Variants in DOCK3 observed in about 807,000 individuals in gnomAD.
DOCK3 encodes the protein dedicator of cytokinesis 3.
In DOCK3, 60 loss-of-function variants were observed where a neutral mutation model predicts 265.6. The ratio of observed to expected loss-of-function variants is 0.23; its 90% CI spans 0.18 to 0.28. DOCK3 has a LOEUF of 0.28. Among genes scored for constraint, DOCK3 ranks in the 10% least tolerant of loss-of-function variants. DOCK3 has a pLI of 1.00. For synonymous variants in DOCK3, 881 were observed against 938.0 expected (o/e 0.94, Z 1.11); for missense variants, 1,981 against 2,594.3 (o/e 0.76, Z 5.14).
chr3:50,948,526 C>T (rs529810104), intron 5 of DOCK3, among the ~76,000 whole-genome samples: 2 of 150,962 alleles, frequency 1.3e-5, no homozygotes, highest in Non-Finnish European at 2.9e-5. Flanking sequence ...ATTTCAGCCT[C>T]TTGAGTAGCT....
At chr3:50,777,847 A>G (rs1426265777) in intron 1 of DOCK3, among the ~76,000 whole-genome samples, 1 of 152,096 alleles carries the variant, frequency 6.6e-6, no homozygotes, top group African/African-American at 2.4e-5. Flanking sequence ...ATATGATTAT[A>G]TCATTGATGA....
At position 51,196,197 on chromosome 3, in the gene DOCK3, A is replaced by G. The variant is rs75978248; in HGVS notation, c.1038-12577A>G. Among the ~76,000 whole-genome samples the G allele has an allele frequency of 4.5e-3, 683 of 152,054 alleles. 29 individuals carry two copies. In the East Asian group the frequency reaches 0.11, roughly 24 times the overall value. Reference sequence around the variant, plus strand: ...GTAGGCCTCCTGCCTCAGCCTCCCAAAGTGCTGTGATTACAGGCATGAGCC... The same window carrying G: ...GTAGGCCTCCTGCCTCAGCCTCCCAGAGTGCTGTGATTACAGGCATGAGCC... On this transcript the variant is annotated intron_variant, in intron 12 of 52. Coordinates refer to ENST00000266037, the MANE Select transcript of DOCK3 (RefSeq NM_004947.5).
chr3:51,298,735 C>CA (rs201552477), intron 27 of DOCK3, among the ~76,000 whole-genome samples: 1,761 of 152,276 alleles, frequency 0.012, 39 homozygotes, highest in African/African-American at 0.039. Flanking sequence ...CTGCAAAGGA[C>CA]ATGATTTCAT....
At chr3:50,810,933 G>A (rs545678132) in intron 2 of DOCK3, among the ~76,000 whole-genome samples, 2 of 152,138 alleles carry the variant, frequency 1.3e-5, no homozygotes, top group Admixed American at 6.5e-5. Flanking sequence ...TCATTGTACT[G>A]TATGTTCATG....
chr3:51,243,457 G>A (rs1262066924), intron 21 of DOCK3, among the ~76,000 whole-genome samples: 1 of 151,988 alleles, frequency 6.6e-6, no homozygotes, highest in Non-Finnish European at 1.5e-5. Flanking sequence ...CCACCCTAAT[G>A]GGTGTAAAGT....
At chr3:51,094,520 T>C (rs2082753127) in intron 9 of DOCK3, among the ~76,000 whole-genome samples, 1 of 152,160 alleles carries the variant, frequency 6.6e-6, no homozygotes, top group African/African-American at 2.4e-5. Flanking sequence ...GATATCCCCT[T>C]TATCATTTTT....
intron 27 of DOCK3, among the ~76,000 whole-genome samples, chr3:51,306,029 T>C (rs2082672110): frequency 6.6e-6 from 1 of 150,658 alleles, no homozygotes; most frequent in African/African-American, 2.4e-5. Flanking sequence ...TTTTCTTTTT[T>C]TTTTTAAATT....
intron 43 of DOCK3, 24 bp downstream of exon 43, chr3:51,356,517 T>C (rs374141491): frequency 1.2e-6 from 2 of 1,607,170 alleles, no homozygotes; most frequent in African/African-American, 1.3e-5. Flanking sequence ...CAGATGAAGC[T>C]GAGCTTCACA....
At chr3:51,239,132 A>G (rs924078952) in intron 21 of DOCK3, among the ~76,000 whole-genome samples, 29 of 152,124 alleles carry the variant, frequency 1.9e-4, no homozygotes, top group African/African-American at 6.3e-4. Flanking sequence ...TTATTTTTTG[A>G]CATTTTAATC....
At chr3:51,143,275 T>A (rs1187666146) in intron 9 of DOCK3, among the ~76,000 whole-genome samples, 1 of 61,282 alleles carries the variant, frequency 1.6e-5, no homozygotes, top group South Asian at 5.7e-4. Context: ...TTTTTTTATG[T>A]GTGTGTGTGT....
At chr3:50,985,021 C>G (rs182106466) in intron 5 of DOCK3, among the ~76,000 whole-genome samples, 1 of 152,074 alleles carries the variant, frequency 6.6e-6, no homozygotes, top group East Asian at 1.9e-4. Flanking sequence ...CCATGGATAC[C>G]GAGGGATGAC....
At chr3:50,836,249 T>C (rs1357378881) in intron 2 of DOCK3, among the ~76,000 whole-genome samples, 11 of 152,218 alleles carry the variant, frequency 7.2e-5, no homozygotes, top group African/African-American at 2.7e-4. Context: ...ACCCAACCTT[T>C]CCCTTCTGCA....
At chr3:51,122,642 A>T (rs1432501526) in intron 9 of DOCK3, among the ~76,000 whole-genome samples, 3 of 152,240 alleles carry the variant, frequency 2.0e-5, no homozygotes, top group African/African-American at 7.2e-5. Context: ...CCCTATGGAT[A>T]GCTTAAGAGG....
chr3:51,269,852 A>G (rs2080404645), intron 23 of DOCK3, among the ~76,000 whole-genome samples: 1 of 152,156 alleles, frequency 6.6e-6, no homozygotes, highest in Non-Finnish European at 1.5e-5. Flanking sequence ...TTTCCCTCAT[A>G]CCAGTATCAA....
intron 32 of DOCK3, among the ~76,000 whole-genome samples, chr3:51,316,791 T>C (rs1416220104): frequency 6.6e-6 from 1 of 152,232 alleles, no homozygotes; most frequent in Admixed American, 6.5e-5. Flanking sequence ...TTTTGTTCAT[T>C]TTCATTTGAG....
At chr3:51,090,817 G>T (rs1336904378) in intron 9 of DOCK3, among the ~76,000 whole-genome samples, 2 of 152,192 alleles carry the variant, frequency 1.3e-5, no homozygotes, top group Non-Finnish European at 2.9e-5. Context: ...TGTCTGGGCA[G>T]CCCATGAAAG....
intron 9 of DOCK3, among the ~76,000 whole-genome samples, chr3:51,141,359 G>A (rs2107192180): frequency 6.7e-6 from 1 of 149,714 alleles, no homozygotes; most frequent in Non-Finnish European, 1.5e-5. Context: ...TTACATAGCA[G>A]TTGGCATTTT....
rs1391882748 is a variant in DOCK3 at position 51,383,205 on chromosome 3, C to A, written c.*1646C>A. 6.6e-6 allele frequency: 1 copy of A among 152,444 alleles called. No homozygotes were observed. The highest frequency in any genetic ancestry group is 6.5e-5 in the Admixed American group (1 of 15,286). The allele number at this position is 152,444 out of a possible 1,614,324, so 9.4% of individuals were successfully genotyped here. ...GCTTGTTTAACAGAAATGCTAATAA[C>A]CTACTGGGAAAGATGGAGGTCTAAA... On this transcript the variant is annotated 3_prime_UTR_variant, in exon 53 of 53. Transcript: ENST00000266037.
At position 51,195,869 on chromosome 3, in the gene DOCK3, A is replaced by G. The variant is rs746410102; in HGVS notation, c.1038-12905A>G. On this transcript the variant is annotated intron_variant, in intron 12 of 52. Transcript: ENST00000266037. ...GATTTTATTTCTCTTTCACTTATGA[A>G]GGATAATTTTGCATGTATAGCATTC... 8.4e-4 allele frequency among the ~76,000 whole-genome samples: 128 copies of G among 152,100 alleles called. 3 individuals carry two copies. The highest frequency in any genetic ancestry group is 7.9e-4 in the Admixed American group (12 of 15,258).
Sources: allele counts gnomAD v4.1 joint callset (sites outside exome capture counted in the v4.1 genomes callset), GRCh38; gene constraint gnomAD v4.1.1; transcripts MANE v1.5; gene names NCBI Gene and HGNC (gene_info 2026-07-23, HGNC 2026-07-21).